Variants in PADI1 observed in about 807,000 individuals in gnomAD.
PADI1 encodes peptidyl arginine deiminase 1.
In PADI1, 65 loss-of-function variants were observed where a neutral mutation model predicts 74.8. That is an observed-to-expected ratio of 0.87 (90% CI 0.71 to 1.07). PADI1 has a LOEUF of 1.07. PADI1 is among the 50% of genes least tolerant of loss of function. The probability of loss-of-function intolerance (pLI) is 0.00; values close to 1 mark genes in which losing one functional copy is unlikely to be tolerated. For missense variants in PADI1, 943 were observed against 854.0 expected (o/e 1.10, Z -1.30); for synonymous variants, 371 against 336.2 (o/e 1.10, Z -1.13).
Position 17,230,563 on chromosome 1 carries a change from C to G in PADI1, c.1054-9C>G. 6.3e-7 allele frequency: 1 copy of G among 1,588,320 alleles called. No homozygotes were observed. The highest frequency in any genetic ancestry group is 1.1e-5 in the South Asian group (1 of 88,974). ...GGTCACTGTGGCTTTTTCATCTCTC[C>G]CCTCCCAGGACGAGATGGAGTTTGG... On this transcript the variant is annotated splice_polypyrimidine_tract_variant and intron_variant, in intron 9 of 15. Transcript: ENST00000375471.
intron 1 of PADI1, among the ~76,000 whole-genome samples, chr1:17,210,392 G>A (rs2071802976): frequency 6.6e-6 from 1 of 151,916 alleles, no homozygotes; most frequent in Non-Finnish European, 1.5e-5. Flanking sequence ...GGAGAGGATC[G>A]GTGACTCACG....
chr1:17,205,377 G>A lies in PADI1; in HGVS notation c.92+68G>A. 4.0e-6 allele frequency: 5 copies of A among 1,252,456 alleles called. No homozygotes were observed. The South Asian group carries it at 4.9e-5, about 12-fold the overall frequency. The allele number at this position is 1,252,456 out of a possible 1,614,324, so 77.6% of individuals were successfully genotyped here. On this transcript the variant is annotated intron_variant, in intron 1 of 15. Coordinates refer to ENST00000375471, the MANE Select transcript of PADI1 (RefSeq NM_013358.3). ...TAGAGTGTAAGTCAATGGGGTGGGT[G>A]CCTGGTAGACAAGTCAGGCACGTTG...
At chr1:17,206,515 G>C (rs985778126) in intron 1 of PADI1, among the ~76,000 whole-genome samples, 1 of 152,120 alleles carries the variant, frequency 6.6e-6, no homozygotes, top group Admixed American at 6.5e-5. Context: ...ATTGTCTCTT[G>C]CCCTGTTAAC....
chr1:17,221,485 A>T (rs1180552304), intron 1 of PADI1, among the ~76,000 whole-genome samples: 4 of 151,008 alleles, frequency 2.6e-5, no homozygotes, highest in Non-Finnish European at 4.4e-5. Context: ...AAAAAAAAAA[A>T]AGAATCAGAG....
rs115907976 is a variant in PADI1 at position 17,209,185 on chromosome 1, T to C, written c.92+3876T>C. The stretch of plus-strand genomic sequence containing the variant: ...CGCACAGAAGAACAATGAGGCATAA[T>C]TGTGCTCCTCAGGGGAAAATTACAG... On this transcript the variant is annotated intron_variant, in intron 1 of 15. Coordinates refer to ENST00000375471, the MANE Select transcript of PADI1 (RefSeq NM_013358.3). Among the ~76,000 whole-genome samples, 1,309 of 152,306 alleles carry C rather than the reference T, an allele frequency of 8.6e-3. 14 individuals are homozygous for C. The highest frequency in any genetic ancestry group is 0.03 in the African/African-American group (1,233 of 41,568).
intron 1 of PADI1, among the ~76,000 whole-genome samples, chr1:17,219,289 T>A (rs1268968421): frequency 6.6e-6 from 1 of 151,332 alleles, no homozygotes; most frequent in African/African-American, 2.4e-5. Flanking sequence ...AGAGGGAACA[T>A]GAGGGATGAG....
chr1:17,241,908 C>T (rs1214067134), intron 15 of PADI1, among the ~76,000 whole-genome samples: 1 of 149,468 alleles, frequency 6.7e-6, no homozygotes, highest in African/African-American at 2.5e-5. Flanking sequence ...ATGTCGGAAT[C>T]GGCATGGAAT....
chr1:17,235,261 G>GGAAGGAA (rs1553129533), intron 11 of PADI1, among the ~76,000 whole-genome samples: 2 of 73,000 alleles, frequency 2.7e-5, no homozygotes, highest in Non-Finnish European at 5.1e-5. Context: ...GAGGGAGGAA[G>GGAAGGAA]GGAAGGAAGG....
At chr1:17,227,562 TAAATAA>T (rs1557468467) in intron 6 of PADI1, among the ~76,000 whole-genome samples, 3 of 151,416 alleles carry the variant, frequency 2.0e-5, no homozygotes, top group Non-Finnish European at 4.4e-5. Flanking sequence ...AATAAATAAA[TAAATAA>T]ATAAATAAAT....
chr1:17,210,902 C>T (rs2071817394), intron 1 of PADI1, among the ~76,000 whole-genome samples: 1 of 152,174 alleles, frequency 6.6e-6, no homozygotes, highest in African/African-American at 2.4e-5. Context: ...GGTCTTTTCC[C>T]CAGGGCCGTC....
chr1:17,220,662 G>C (rs550679971), intron 1 of PADI1, among the ~76,000 whole-genome samples: 1 of 152,282 alleles, frequency 6.6e-6, no homozygotes, highest in South Asian at 2.1e-4. Context: ...TGCCGTGGGG[G>C]ATGATGTTGG....
At chr1:17,222,581 A>C in intron 2 of PADI1, 111 bp downstream of exon 2, 49 of 826,330 alleles carry the variant, frequency 5.9e-5, no homozygotes, top group Non-Finnish European at 9.6e-5. Context: ...ACCAAACCTC[A>C]CAAAGCTTAT....
At position 17,232,817 on chromosome 1, in the gene PADI1, A is replaced by G; in HGVS notation, c.1162-2A>G. The G allele has an allele frequency of 6.2e-7, 1 of 1,608,952 alleles. No homozygotes were observed. The highest frequency in any genetic ancestry group is 8.5e-7 in the Non-Finnish European group (1 of 1,177,038). ...GTGGGGGTCTCGCTGGTTCTTCCAT[A>G]GGGTCCTGACTTTGGATATGTTACC... On this transcript the variant is annotated splice_acceptor_variant, in intron 10 of 15. Transcript: ENST00000375471. LOFTEE classifies it high-confidence loss of function.
At position 17,243,825 on chromosome 1, in the gene PADI1, A is replaced by C. The variant is rs564332222; in HGVS notation, c.1759-185A>C. On this transcript the variant is annotated intron_variant, in intron 15 of 15. Coordinates refer to ENST00000375471, the MANE Select transcript of PADI1 (RefSeq NM_013358.3). ...TTATTCAACCTCATTTCCAACCCTG[A>C]ATCTTTTTCTCCTCTGCTTTCATAG... Among the ~76,000 whole-genome samples the C allele has an allele frequency of 5.9e-4, 90 of 152,264 alleles. 1 individual carries two copies. The highest frequency in any genetic ancestry group is 1.9e-3 in the South Asian group (9 of 4,818).
At chr1:17,214,881 C>G (rs561839984) in intron 1 of PADI1, among the ~76,000 whole-genome samples, 1 of 152,224 alleles carries the variant, frequency 6.6e-6, no homozygotes, top group Non-Finnish European at 1.5e-5. Context: ...TCAAAGGCAG[C>G]GCAGGGCTCA....
At chr1:17,219,502 G>A (rs1481442789) in intron 1 of PADI1, among the ~76,000 whole-genome samples, 1 of 152,136 alleles carries the variant, frequency 6.6e-6, no homozygotes, top group African/African-American at 2.4e-5. Context: ...CGTGAAGGAG[G>A]GGATGAGGCC....
At chr1:17,237,198 G>A in intron 11 of PADI1, 116 bp from the exon 12 acceptor site, 1 of 1,239,474 alleles carries the variant, frequency 8.1e-7, no homozygotes, top group South Asian at 1.5e-5. Context: ...TACGCCCCAC[G>A]TTTAAAGCGT....
intron 3 of PADI1, 138 bp downstream of exon 3, chr1:17,223,831 C>T (rs1481089049): frequency 1.9e-5 from 13 of 701,978 alleles, no homozygotes; most frequent in Admixed American, 4.4e-5. Flanking sequence ...TTCCTCGGGA[C>T]CTTCTGTCCA....
intron 1 of PADI1, among the ~76,000 whole-genome samples, chr1:17,216,425 G>A (rs940557094): frequency 1.3e-5 from 2 of 152,114 alleles, no homozygotes; most frequent in African/African-American, 4.8e-5. Flanking sequence ...CTGGCTGTGC[G>A]AGTGAGGGAA....
Sources: gnomAD v4.1 joint callset for allele counts (sites outside exome capture counted in the v4.1 genomes callset) on GRCh38, gnomAD v4.1.1 for gene constraint, MANE v1.5 for transcripts, NCBI Gene and HGNC (gene_info 2026-07-23, HGNC 2026-07-21) for gene names.